The following ABCB5 variants were observed in gnomAD, a reference collection of about 807,000 sequenced individuals.
ABCB5 encodes the protein ATP binding cassette subfamily B member 5.
A neutral mutation model predicts 144.2 loss-of-function variants in ABCB5; 155 were observed. The observed-to-expected ratio is 1.08, with a 90% CI of 0.94 to 1.23. The LOEUF (loss-of-function observed/expected upper bound fraction) is 1.23, where lower values mean the gene tolerates loss of function less well. ABCB5 is among the 50% of genes most tolerant of loss of function. The pLI is 0.00. For missense variants in ABCB5, 1,830 were observed against 1,520.8 expected (o/e 1.20, Z -3.38); for synonymous variants, 610 against 528.6 (o/e 1.15, Z -2.11).
rs1309124373 is a variant in ABCB5, at chr7:20,648,078, G to C, written c.1206G>C (p.Lys402Asn). 15 of 1,566,916 alleles carry C rather than the reference G, an allele frequency of 9.6e-6. No individual in the cohort carries two copies. Among genetic ancestry groups the C allele is most frequent in the Middle Eastern group, 1.8e-4 (1 of 5,596 alleles). ...ATTATCCATCAAGACCATCTATCAA[G>C]GTAGGTTAAAACAAATTACGCAATT... The part of the protein sequence containing the change: ...SFNYPSRPSI[K>N]ILKGLNLRIK... The change falls in exon 11 of 28, where the codon AAG becomes AAC. Residue 402 changes from lysine to asparagine, a missense_variant and splice_region_variant. Physicochemically the swap from Lys to Asn is moderately conservative, Grantham distance 94. Transcript: ENST00000404938.
chr7:20,679,330 A>G (rs1583419714), intron 14 of ABCB5, among the ~76,000 whole-genome samples: 2 of 152,078 alleles, frequency 1.3e-5, no homozygotes, highest in East Asian at 3.9e-4. Context: ...TTAGCTGGGC[A>G]TGGTGGCAGG....
At chr7:20,655,704 T>C (rs115535022) in intron 13 of ABCB5, among the ~76,000 whole-genome samples, 1,773 of 152,352 alleles carry the variant, frequency 0.012, 32 homozygotes, top group African/African-American at 0.04. Context: ...AGAAACTCCA[T>C]ATTTTTAAAG....
chr7:20,628,882 C>T, intron 4 of ABCB5, 44 bp downstream of exon 4: 1 of 1,598,612 alleles, frequency 6.3e-7, no homozygotes, highest in South Asian at 1.1e-5. Flanking sequence ...GACACAAAAG[C>T]ATTGAATAAA....
intron 13 of ABCB5, among the ~76,000 whole-genome samples, chr7:20,654,241 A>G (rs1229435155): frequency 6.6e-6 from 1 of 152,162 alleles, no homozygotes; most frequent in African/African-American, 2.4e-5. Flanking sequence ...TCTTCAACAC[A>G]ACAATTACAG....
At chr7:20,680,646 T>C (rs1785762883) in intron 14 of ABCB5, among the ~76,000 whole-genome samples, 1 of 152,002 alleles carries the variant, frequency 6.6e-6, no homozygotes, top group African/African-American at 2.4e-5. Context: ...ATGGGATTCT[T>C]GACCTGGATA....
At chr7:20,619,240 T>C (rs1000501172) in intron 1 of ABCB5, among the ~76,000 whole-genome samples, 1 of 152,196 alleles carries the variant, frequency 6.6e-6, no homozygotes, top group African/African-American at 2.4e-5. Flanking sequence ...AGTTCTGTTT[T>C]AAGTTCTTTG....
chr7:20,747,420 G>C (rs1359694763), intron 26 of ABCB5, among the ~76,000 whole-genome samples: 1 of 152,122 alleles, frequency 6.6e-6, no homozygotes, highest in Non-Finnish European at 1.5e-5. Flanking sequence ...ACCATGCCTG[G>C]CTAATTTTTG....
rs1162127870 is a variant in ABCB5 at position 20,704,778 on chromosome 7, T to A, written c.2392T>A (p.Leu798Ile). 1.2e-6 allele frequency: 2 copies of A among 1,613,752 alleles called. No homozygotes were observed. The highest frequency in any genetic ancestry group is 1.7e-6 in the Non-Finnish European group (2 of 1,179,756). Residue 798 changes from leucine to isoleucine, a missense_variant, in exon 20 of 28, where the codon TTA becomes ATA. By Grantham distance (5) the Leu-to-Ile change is conservative. Coordinates refer to ENST00000404938, the MANE Select transcript of ABCB5 (RefSeq NM_001163941.2). ...CAGCACAGGAGGCTTGACAACAATA[T>A]TAGCCATAGATATAGCACAAATTCA... ...ENSTGGLTTI[L>I]AIDIAQIQGA...
chr7:20,669,027 G>A (rs1228262024), intron 14 of ABCB5, among the ~76,000 whole-genome samples: 53 of 135,268 alleles, frequency 3.9e-4, no homozygotes, highest in Admixed American at 3.6e-3. Context: ...GGTGAGGGGC[G>A]CCTCTGCCCG....
chr7:20,689,831 T>A (rs1023217116), intron 16 of ABCB5, among the ~76,000 whole-genome samples: 2 of 152,178 alleles, frequency 1.3e-5, no homozygotes, highest in African/African-American at 4.8e-5. Flanking sequence ...AAAAAGTGAA[T>A]TTGAACCAGA....
At chr7:20,719,226 G>T (rs894260189) in intron 20 of ABCB5, among the ~76,000 whole-genome samples, 1 of 151,902 alleles carries the variant, frequency 6.6e-6, no homozygotes, top group Admixed American at 6.6e-5. Flanking sequence ...CAGGTAAATA[G>T]GGGCCCTCAT....
rs750759037 is a variant in ABCB5, at chr7:20,704,732, C to T, written c.2346C>T (p.Ala782=). Residue 782 remains alanine, a synonymous_variant, in exon 20 of 28, where the codon GCC becomes GCT. Coordinates refer to ENST00000404938, the MANE Select transcript of ABCB5 (RefSeq NM_001163941.2). ...ATTCTCCTTTTCTCTAGGATATTGC[C>T]TGGTTTGATGAAAAGGAAAACAGCA... ...AFKAMLYQDI[A]WFDEKENSTG... 12 of 1,613,020 alleles carry T rather than the reference C, an allele frequency of 7.4e-6. No individual in the cohort carries two copies. Among genetic ancestry groups the T allele is most frequent in the African/African-American group, 5.3e-5 (4 of 74,824 alleles).
chr7:20,713,490 C>A (rs1583444403), intron 20 of ABCB5, among the ~76,000 whole-genome samples: 2 of 149,816 alleles, frequency 1.3e-5, no homozygotes, highest in East Asian at 4.0e-4. Context: ...CCCACCTTAG[C>A]CTCCCAAAGT....
chr7:20,667,205 A>C (rs1785228303), intron 14 of ABCB5: 1 of 913,326 alleles, frequency 1.1e-6, no homozygotes, highest in Admixed American at 6.2e-5. Context: ...GTTAAATTGT[A>C]ACATAATATC....
intron 13 of ABCB5, among the ~76,000 whole-genome samples, chr7:20,657,165 T>C (rs1445454227): frequency 2.0e-5 from 3 of 151,992 alleles, no homozygotes; most frequent in Non-Finnish European, 4.4e-5. Flanking sequence ...CACCACAACC[T>C]CCCAAAGTGC....
intron 16 of ABCB5, among the ~76,000 whole-genome samples, chr7:20,686,173 G>A (rs78978349): frequency 0.029 from 4,461 of 152,226 alleles, 192 homozygotes; most frequent in African/African-American, 0.094. Flanking sequence ...GATTAATTTG[G>A]GTCAGGTCAG....
intron 1 of ABCB5, among the ~76,000 whole-genome samples, chr7:20,622,317 C>T (rs1055770786): frequency 6.6e-6 from 1 of 152,064 alleles, no homozygotes; most frequent in Non-Finnish European, 1.5e-5. Context: ...GGTGTAAAGT[C>T]AGTTTAGCAG....
At chr7:20,726,078 C>T (rs897951465) in intron 21 of ABCB5, among the ~76,000 whole-genome samples, 6 of 152,100 alleles carry the variant, frequency 3.9e-5, no homozygotes, top group Non-Finnish European at 7.4e-5. Flanking sequence ...TTCTCATGTC[C>T]GAAAAGCTAT....
chr7:20,646,275 T>C (rs1009124150), intron 9 of ABCB5, 137 bp downstream of exon 9: 2 of 833,792 alleles, frequency 2.4e-6, no homozygotes, highest in African/African-American at 3.5e-5. Flanking sequence ...TCAAATTATC[T>C]GTATACACCT....
Sources: gnomAD v4.1 joint callset for allele counts (sites outside exome capture counted in the v4.1 genomes callset) on GRCh38, gnomAD v4.1.1 for gene constraint, MANE v1.5 for transcripts, NCBI Gene and HGNC (gene_info 2026-07-23, HGNC 2026-07-21) for gene names.